Variants in BLTP3B observed in about 807,000 individuals in gnomAD.
BLTP3B encodes bridge-like lipid transfer protein family member 3B, also known as UHRF1 (ICBP90) binding protein 1-like.
chr12:100,142,279 G>A, the BLTP3B span, among the ~76,000 whole-genome samples: 1 of 152,192 alleles, frequency 6.6e-6, no homozygotes, highest in East Asian at 1.9e-4. Flanking sequence ...GCTCAGTACC[G>A]CACAGAGCCG....
chr12:100,072,028 A>G, the BLTP3B span, among the ~76,000 whole-genome samples: 1 of 152,230 alleles, frequency 6.6e-6, no homozygotes. Flanking sequence ...TGGGAGTCCA[A>G]GGTGGGCAGA....
At chr12:100,063,140 T>C in the BLTP3B span, among the ~76,000 whole-genome samples, 1 of 152,098 alleles carries the variant, frequency 6.6e-6, no homozygotes, top group Non-Finnish European at 1.5e-5. Context: ...TAGTGAATTT[T>C]TGCTCCAGAA....
chr12:100,131,015 G>A, the BLTP3B span, among the ~76,000 whole-genome samples: 1,419 of 149,852 alleles, frequency 9.5e-3, 45 homozygotes, highest in African/African-American at 0.033. Flanking sequence ...GAGAGAGAGA[G>A]AGAGAGAGAG....
the BLTP3B span, chr12:100,051,269 A>T: frequency 6.4e-7 from 1 of 1,565,754 alleles, no homozygotes. Context: ...AGTTTTACAC[A>T]TGATCTAACA....
At chr12:100,088,855 C>T in the BLTP3B span, 1 of 1,294,716 alleles carries the variant, frequency 7.7e-7, no homozygotes, top group Non-Finnish European at 1.0e-6. Flanking sequence ...AATAAACAAT[C>T]CAGTTTTGTA....
chr12:100,091,266 C>T, the BLTP3B span, among the ~76,000 whole-genome samples: 2 of 148,588 alleles, frequency 1.3e-5, no homozygotes, highest in East Asian at 2.0e-4. Flanking sequence ...CTCGGTTCAC[C>T]GCAACCTCTG....
chr12:100,038,945 T>G, the BLTP3B span, among the ~76,000 whole-genome samples: 1 of 152,218 alleles, frequency 6.6e-6, no homozygotes, highest in Non-Finnish European at 1.5e-5. Flanking sequence ...ATCTGTAGTA[T>G]AGCATCTGAC....
the BLTP3B span, among the ~76,000 whole-genome samples, chr12:100,109,635 G>A: frequency 1.3e-5 from 2 of 151,980 alleles, no homozygotes; most frequent in Admixed American, 6.6e-5. Flanking sequence ...GCATGTTGGC[G>A]CATGCCTGTA....
chr12:100,045,909 G>A, the BLTP3B span, among the ~76,000 whole-genome samples: 4 of 152,164 alleles, frequency 2.6e-5, no homozygotes, highest in African/African-American at 9.7e-5. Flanking sequence ...CCATTAAAAA[G>A]TGGGCAAAGG....
At chr12:100,040,388 C>G in the BLTP3B span, among the ~76,000 whole-genome samples, 3 of 151,732 alleles carry the variant, frequency 2.0e-5, no homozygotes, top group African/African-American at 7.3e-5. Flanking sequence ...ATACAAAAAA[C>G]TATGTAACTT....
the BLTP3B span, among the ~76,000 whole-genome samples, chr12:100,065,514 G>C: frequency 2.0e-5 from 3 of 152,070 alleles, no homozygotes; most frequent in Non-Finnish European, 2.9e-5. Flanking sequence ...TTGCATTCCT[G>C]GGGGGAGGTC....
chr12:100,132,180 A>G, the BLTP3B span, among the ~76,000 whole-genome samples: 1 of 152,248 alleles, frequency 6.6e-6, no homozygotes, highest in African/African-American at 2.4e-5. Context: ...AACTTATTTA[A>G]AAAGTGTTTA....
the BLTP3B span, among the ~76,000 whole-genome samples, chr12:100,136,741 T>C: frequency 2.0e-5 from 3 of 152,322 alleles, no homozygotes; most frequent in East Asian, 1.9e-4. Context: ...TCCAATTATA[T>C]GCACCTTAAC....
the BLTP3B span, among the ~76,000 whole-genome samples, chr12:100,116,029 G>C: frequency 4.6e-5 from 7 of 152,000 alleles, no homozygotes; most frequent in African/African-American, 9.7e-5. Context: ...AAAGTTAGCT[G>C]GGTGTGGTGG....
the BLTP3B span, among the ~76,000 whole-genome samples, chr12:100,073,385 A>G: frequency 6.8e-6 from 1 of 147,992 alleles, no homozygotes; most frequent in Admixed American, 6.7e-5. Flanking sequence ...TTTTTGGTAG[A>G]GACGGGGTTT....
chr12:100,124,976 A>ATT, the BLTP3B span, among the ~76,000 whole-genome samples: 3 of 94,868 alleles, frequency 3.2e-5, no homozygotes, highest in Admixed American at 1.1e-4. Flanking sequence ...ATATATATAT[A>ATT]TATTTATATT....
At chr12:100,070,393 C>G in the BLTP3B span, among the ~76,000 whole-genome samples, 1 of 151,480 alleles carries the variant, frequency 6.6e-6, no homozygotes, top group Admixed American at 6.6e-5. Context: ...TTCAAGCGAA[C>G]AGATTACAGG....
chr12:100,065,760 G>A, the BLTP3B span, among the ~76,000 whole-genome samples: 2 of 152,092 alleles, frequency 1.3e-5, no homozygotes, highest in Non-Finnish European at 2.9e-5. Context: ...TTTTGATTTT[G>A]CCCTTTGCCT....
the BLTP3B span, chr12:100,098,395 C>A: frequency 6.2e-7 from 1 of 1,612,834 alleles, no homozygotes; most frequent in Non-Finnish European, 8.5e-7. Flanking sequence ...TCTCAAATCT[C>A]CATGTTCCCA....
Sources: gnomAD v4.1 joint callset for allele counts (sites outside exome capture counted in the v4.1 genomes callset) on GRCh38, gnomAD v4.1.1 for gene constraint, MANE v1.5 for transcripts, NCBI Gene and HGNC (gene_info 2026-07-23, HGNC 2026-07-21) for gene names.